SDHC: variants seen among roughly 807,000 people sequenced by gnomAD.
SDHC encodes the protein succinate dehydrogenase complex subunit C, also known as succinate dehydrogenase cytochrome b560 subunit, mitochondrial.
Under a neutral mutation model 22.6 loss-of-function variants are expected in SDHC, and 11 were observed. The observed-to-expected ratio is 0.49, with a 90% CI of 0.31 to 0.81. SDHC has a LOEUF of 0.81. Among genes scored for constraint, SDHC ranks in the 30% least tolerant of loss-of-function variants. The pLI is 0.05. For synonymous variants in SDHC, 80 were observed against 77.8 expected, an observed-to-expected ratio of 1.03 and a Z score of -0.15; for missense variants, 160 against 212.0, an observed-to-expected ratio of 0.75 and a Z score of 1.52.
At chr1:161,341,337 A>G (rs760332130) in intron 4 of SDHC, among the ~76,000 whole-genome samples, 1 of 152,308 alleles carries the variant, frequency 6.6e-6, no homozygotes, top group Non-Finnish European at 1.5e-5. Flanking sequence ...TCAGTCCCCC[A>G]AAGACTAGCT....
intron 1 of SDHC, among the ~76,000 whole-genome samples, chr1:161,319,323 A>T (rs1424969517): frequency 6.6e-6 from 1 of 152,188 alleles, no homozygotes; most frequent in Non-Finnish European, 1.5e-5. Flanking sequence ...AGATAAATAG[A>T]TTAATTATTA....
intron 3 of SDHC, among the ~76,000 whole-genome samples, chr1:161,338,311 A>G (rs1205454875): frequency 1.3e-5 from 2 of 152,156 alleles, no homozygotes; most frequent in African/African-American, 4.8e-5. Context: ...TTTCTTACTT[A>G]CTATGACCAT....
chr1:161,362,095 T>C lies in SDHC; in HGVS notation c.406-234T>C, dbSNP rs533659515. Among the ~76,000 whole-genome samples, 4 of 152,194 alleles carry C rather than the reference T, an allele frequency of 2.6e-5. No individual in the cohort carries two copies. In the Middle Eastern group the frequency reaches 0.014, roughly 518 times the overall value. On this transcript the variant is annotated intron_variant, in intron 5 of 5. Coordinates refer to ENST00000367975, the MANE Select transcript of SDHC (RefSeq NM_003001.5). ...GTGGCATTCTAGAGAACATTCCTCC[T>C]ACCATCACCACACAATAGAACCTGA... is the stretch of plus-strand genomic sequence containing the variant.
chr1:161,349,980 G>A (rs1000157895), intron 4 of SDHC, among the ~76,000 whole-genome samples: 4 of 151,844 alleles, frequency 2.6e-5, no homozygotes, highest in Non-Finnish European at 5.9e-5. Flanking sequence ...ACATAATCTC[G>A]GCTCACTGCA....
At chr1:161,338,120 C>A (rs557341734) in intron 3 of SDHC, among the ~76,000 whole-genome samples, 1 of 152,142 alleles carries the variant, frequency 6.6e-6, no homozygotes, top group Non-Finnish European at 1.5e-5. Flanking sequence ...ATTATGCTAT[C>A]GTTCTCTGTC....
chr1:161,339,662 G>GTTTTGTTTTTTTTTTTTT (rs1671638796), intron 3 of SDHC: 1 of 49,566 alleles, frequency 2.0e-5, no homozygotes, highest in Non-Finnish European at 3.5e-5. Flanking sequence ...TGATACAGGT[G>GTTTTGTTTTTTTTTTTTT]TTTTTTTTTT....
Position 161,331,749 on chromosome 1 carries a change from C to G in SDHC, c.179+3252C>G, listed in dbSNP as rs962478332. Among the ~76,000 whole-genome samples, 3 of 152,058 alleles carry G rather than the reference C, an allele frequency of 2.0e-5. No homozygotes were observed. The East Asian group carries it at 5.8e-4, about 29-fold the overall frequency. ...TAGCTGGGATTACAGGCGCACACCA[C>G]CATACCTGGCTAATTTTTTGTATTT... is the stretch of plus-strand genomic sequence containing the variant. On this transcript the variant is annotated intron_variant, in intron 3 of 5. Transcript: ENST00000367975.
chr1:161,350,414 A>G (rs976521614), intron 4 of SDHC, among the ~76,000 whole-genome samples: 2 of 152,222 alleles, frequency 1.3e-5, no homozygotes, highest in African/African-American at 4.8e-5. Context: ...TAAAACTAGT[A>G]TAAATTCTTT....
chr1:161,315,535 T>C (rs923333781), intron 1 of SDHC, among the ~76,000 whole-genome samples: 3 of 152,248 alleles, frequency 2.0e-5, no homozygotes, highest in African/African-American at 7.2e-5. Context: ...CTGATATATT[T>C]TGGTATCGAT....
chr1:161,315,892 T>G (rs752127314), intron 1 of SDHC, among the ~76,000 whole-genome samples: 52 of 152,148 alleles, frequency 3.4e-4, no homozygotes, highest in South Asian at 4.1e-4. Flanking sequence ...TGATCATTAT[T>G]GGGTGTTTCT....
chr1:161,352,938 C>A (rs956996414), intron 4 of SDHC, among the ~76,000 whole-genome samples: 2 of 152,096 alleles, frequency 1.3e-5, no homozygotes, highest in Admixed American at 6.5e-5. Flanking sequence ...GATCGTGCCA[C>A]CGCACTCCAG....
intron 5 of SDHC, 104 bp downstream of exon 5, chr1:161,356,944 T>TC (rs1320374738): frequency 2.4e-5 from 29 of 1,186,118 alleles, no homozygotes; most frequent in East Asian, 7.3e-5. Context: ...TTTTTTTTTT[T>TC]CCCAAGAGTG....
chr1:161,344,009 C>T (rs1032640929), intron 4 of SDHC, among the ~76,000 whole-genome samples: 8 of 151,854 alleles, frequency 5.3e-5, no homozygotes, highest in South Asian at 2.1e-4. Context: ...CCCAGGAATT[C>T]GAGACCATCC....
At chr1:161,335,811 A>G (rs1671460291) in intron 3 of SDHC, among the ~76,000 whole-genome samples, 1 of 151,982 alleles carries the variant, frequency 6.6e-6, no homozygotes, top group Admixed American at 6.6e-5. Context: ...CATACATCAT[A>G]CATACATATA....
At chr1:161,315,285 T>G (rs1461377642) in intron 1 of SDHC, among the ~76,000 whole-genome samples, 1 of 152,258 alleles carries the variant, frequency 6.6e-6, no homozygotes, top group African/African-American at 2.4e-5. Flanking sequence ...TCCCCAAATG[T>G]GTTCTCATTT....
At chr1:161,344,151 A>G (rs1303873209) in intron 4 of SDHC, among the ~76,000 whole-genome samples, 1 of 152,140 alleles carries the variant, frequency 6.6e-6, no homozygotes, top group Non-Finnish European at 1.5e-5. Flanking sequence ...ATAGCCGGGC[A>G]TGGTGGCGGG....
intron 4 of SDHC, among the ~76,000 whole-genome samples, chr1:161,352,900 C>T (rs1176876837): frequency 1.3e-5 from 2 of 152,122 alleles, no homozygotes; most frequent in Non-Finnish European, 2.9e-5. Context: ...TTGCTTGAAC[C>T]TGGGAGGCGG....
intron 4 of SDHC, among the ~76,000 whole-genome samples, chr1:161,342,774 C>T (rs1258446617): frequency 4.6e-5 from 7 of 152,242 alleles, no homozygotes; most frequent in African/African-American, 9.6e-5. Context: ...GGGTTACAGG[C>T]GTGAGCCACT....
At chr1:161,339,349 ATT>A (rs112525066) in intron 3 of SDHC, among the ~76,000 whole-genome samples, 1,774 of 137,404 alleles carry the variant, frequency 0.013, 38 homozygotes, top group African/African-American at 0.043. Context: ...CACCCAGCTA[ATT>A]TTTTTTTTTT....
Sources: allele counts gnomAD v4.1 joint callset (sites outside exome capture counted in the v4.1 genomes callset), GRCh38; gene constraint gnomAD v4.1.1; transcripts MANE v1.5; gene names NCBI Gene and HGNC (gene_info 2026-07-23, HGNC 2026-07-21).